The following HINT3 variants were observed in gnomAD, a reference collection of about 807,000 sequenced individuals.
HINT3 encodes histidine triad nucleotide binding protein 3.
Under a neutral mutation model 19.1 loss-of-function variants are expected in HINT3, and 16 were observed. The ratio of observed to expected loss-of-function variants is 0.84; its 90% CI spans 0.57 to 1.27. The LOEUF (loss-of-function observed/expected upper bound fraction) is 1.27. Among genes scored for constraint, HINT3 ranks in the 50% most tolerant of loss-of-function variants. The pLI, the probability that HINT3 is intolerant of heterozygous loss-of-function variation, is 0.00. For missense variants in HINT3, 197 were observed against 225.8 expected (o/e 0.87, Z 0.82); for synonymous variants, 75 against 84.8 (o/e 0.88, Z 0.63).
Position 125,957,633 on chromosome 6 carries a change from A to G in HINT3, c.201+455A>G, listed in dbSNP as rs17053719. Among the ~76,000 whole-genome samples the G allele has an allele frequency of 1.9e-3, 287 of 152,338 alleles. 3 individuals carry two copies. The highest frequency in any genetic ancestry group is 6.8e-3 in the African/African-American group (283 of 41,554). On this transcript the variant is annotated intron_variant, in intron 1 of 4. Transcript: ENST00000229633. ...ATGAGAAAACTAGTAGAAAATAGGTAATGATAATTGTGGAAAGCTGTTTGT... is the reference window on the plus strand; with the variant it reads ...ATGAGAAAACTAGTAGAAAATAGGTGATGATAATTGTGGAAAGCTGTTTGT...
chr6:125,965,544 T>G (rs1789005372), intron 1 of HINT3, among the ~76,000 whole-genome samples: 1 of 152,096 alleles, frequency 6.6e-6, no homozygotes, highest in African/African-American at 2.4e-5. Context: ...GAGGATCGCT[T>G]GAGTCCAGGA....
chr6:125,959,043 G>A (rs1174152782), intron 1 of HINT3, among the ~76,000 whole-genome samples: 7 of 152,212 alleles, frequency 4.6e-5, no homozygotes, highest in South Asian at 2.1e-4. Context: ...ATGGCCAGGG[G>A]AGTGGTGGGA....
intron 1 of HINT3, among the ~76,000 whole-genome samples, chr6:125,961,561 G>T (rs973927651): frequency 1.3e-5 from 2 of 152,176 alleles, no homozygotes; most frequent in Non-Finnish European, 2.9e-5. Context: ...GTGGCTTACA[G>T]AACTCAGGGA....
chr6:125,975,327 G>A (rs1789165449), intron 4 of HINT3, among the ~76,000 whole-genome samples: 1 of 152,064 alleles, frequency 6.6e-6, no homozygotes, highest in Admixed American at 6.6e-5. Context: ...TAAGGCTCAA[G>A]GTCTTTATCT....
At chr6:125,961,368 T>A (rs1788923496) in intron 1 of HINT3, among the ~76,000 whole-genome samples, 1 of 152,162 alleles carries the variant, frequency 6.6e-6, no homozygotes, top group Non-Finnish European at 1.5e-5. Context: ...CTGGTTGTCC[T>A]CCATTTCAAT....
At chr6:125,969,235 A>G (rs914863011) in intron 2 of HINT3, among the ~76,000 whole-genome samples, 1 of 152,192 alleles carries the variant, frequency 6.6e-6, no homozygotes, top group Non-Finnish European at 1.5e-5. Flanking sequence ...ATAACCAGCT[A>G]TCTCAACACC....
intron 1 of HINT3, among the ~76,000 whole-genome samples, chr6:125,958,424 G>T (rs1475386801): frequency 6.6e-6 from 1 of 152,184 alleles, no homozygotes; most frequent in Non-Finnish European, 1.5e-5. Flanking sequence ...ATGTTGCGGA[G>T]TTATAGGAAG....
Position 125,979,081 on chromosome 6 carries a change from G to A in HINT3, c.*1405G>A, listed in dbSNP as rs1402935603. On this transcript the variant is annotated 3_prime_UTR_variant, in exon 5 of 5. Transcript: ENST00000229633. ...TGAGAGTGGGTGGTAGTAGAACTGA[G>A]TATTCAAGACTGAATGTTAGGCAGG... 1 of 152,184 alleles carries A rather than the reference G, an allele frequency of 6.6e-6. No homozygotes were observed. The highest frequency in any genetic ancestry group is 1.5e-5 in the Non-Finnish European group (1 of 68,026). The allele number at this position is 152,184 out of a possible 1,614,324, so 9.4% of individuals were successfully genotyped here. A position where few individuals can be genotyped will look rare whatever the true frequency, so the allele number is the denominator to read the frequency against.
chr6:125,966,831 G>A, intron 1 of HINT3, 56 bp from the exon 2 acceptor site: 1 of 1,147,306 alleles, frequency 8.7e-7, no homozygotes, highest in Non-Finnish European at 1.3e-6. Context: ...AGTCATGCCA[G>A]AACAGCATTA....
intron 1 of HINT3, among the ~76,000 whole-genome samples, chr6:125,959,856 C>G (rs1411209619): frequency 6.6e-6 from 1 of 152,184 alleles, no homozygotes; most frequent in African/African-American, 2.4e-5. Context: ...GTGCCAGGCA[C>G]TGTTGGAGGC....
At chr6:125,974,734 C>A in intron 3 of HINT3, 113 bp from the exon 4 acceptor site, 1 of 971,554 alleles carries the variant, frequency 1.0e-6, no homozygotes, top group Non-Finnish European at 1.6e-6. Flanking sequence ...TTGTGACAGT[C>A]TATTTACCTT....
In HINT3 at chr6:125,956,932, G is replaced by A; in HGVS notation, c.-46G>A. 1 of 1,528,236 alleles carries A rather than the reference G, an allele frequency of 6.5e-7. No homozygotes were observed. Among genetic ancestry groups the A allele is most frequent in the Non-Finnish European group, 8.8e-7 (1 of 1,132,272 alleles). The allele number at this position is 1,528,236 out of a possible 1,614,324, so 94.7% of individuals were successfully genotyped here. A position where few individuals can be genotyped will look rare whatever the true frequency, so the allele number is the denominator to read the frequency against. ...GGGACGCGGAGACTGCGCGGGCCCG[G>A]TAGCCCTGGAGAGGCCGAGGCTCTA... On this transcript the variant is annotated 5_prime_UTR_variant, in exon 1 of 5. Coordinates refer to ENST00000229633, the MANE Select transcript of HINT3 (RefSeq NM_138571.5).
At chr6:125,969,084 T>C (rs1023596107) in intron 2 of HINT3, among the ~76,000 whole-genome samples, 5 of 152,168 alleles carry the variant, frequency 3.3e-5, no homozygotes, top group Non-Finnish European at 7.4e-5. Flanking sequence ...TTCCCAAGGC[T>C]GATGTCCAGA....
intron 1 of HINT3, among the ~76,000 whole-genome samples, chr6:125,960,626 C>T (rs1788905936): frequency 7.0e-6 from 1 of 142,154 alleles, no homozygotes; most frequent in Non-Finnish European, 1.5e-5. Flanking sequence ...CGCTGCACTC[C>T]AGCCTGGGTG....
chr6:125,967,929 A>G (rs1447148560), intron 2 of HINT3, among the ~76,000 whole-genome samples: 1 of 152,198 alleles, frequency 6.6e-6, no homozygotes. Flanking sequence ...TCATTTTCTA[A>G]GACATTTCTA....
intron 2 of HINT3, 46 bp downstream of exon 2, chr6:125,967,050 G>C (rs1317538709): frequency 8.4e-7 from 1 of 1,190,982 alleles, no homozygotes; most frequent in African/African-American, 1.5e-5. Context: ...TTTTCAGTTG[G>C]TATCAGTGAT....
In HINT3 at chr6:125,980,192, C is replaced by G. The variant is rs1789230692; in HGVS notation, c.*2516C>G. 6.6e-6 allele frequency: 1 copy of G among 152,104 alleles called. No homozygotes were observed. Among genetic ancestry groups the G allele is most frequent in the South Asian group, 2.1e-4 (1 of 4,830 alleles). The allele number at this position is 152,104 out of a possible 1,614,324, so 9.4% of individuals were successfully genotyped here. A position where few individuals can be genotyped will look rare whatever the true frequency, so the allele number is the denominator to read the frequency against. On this transcript the variant is annotated 3_prime_UTR_variant, in exon 5 of 5. Transcript: ENST00000229633. Reference sequence around the variant, plus strand: ...ACTATTTGTGGAACTGTTTAATGAGCTATTTCAAACTGCTAGAAGAAAATG... The same window carrying G: ...ACTATTTGTGGAACTGTTTAATGAGGTATTTCAAACTGCTAGAAGAAAATG...
intron 2 of HINT3, among the ~76,000 whole-genome samples, chr6:125,972,017 C>T (rs1298300705): frequency 6.6e-6 from 1 of 152,072 alleles, no homozygotes; most frequent in African/African-American, 2.4e-5. Context: ...GGCCACCCAG[C>T]TACTTTTTAA....
At chr6:125,977,558 G>A (rs936704626) in intron 4 of HINT3, 86 bp from the exon 5 acceptor site, 1 of 626,762 alleles carries the variant, frequency 1.6e-6, no homozygotes. Context: ...CTCTTCTAAT[G>A]TGGCATATTA....
Sources: allele counts gnomAD v4.1 joint callset (sites outside exome capture counted in the v4.1 genomes callset), GRCh38; gene constraint gnomAD v4.1.1; transcripts MANE v1.5; gene names NCBI Gene and HGNC (gene_info 2026-07-23, HGNC 2026-07-21).